ZSCAN1: variants seen among roughly 807,000 people sequenced by gnomAD.
The protein encoded by ZSCAN1 is zinc finger and SCAN domain-containing protein 1.
A neutral mutation model predicts 23.8 loss-of-function variants in ZSCAN1; 23 were observed. The observed-to-expected ratio is 0.97, with a 90% CI of 0.70 to 1.37. The LOEUF (loss-of-function observed/expected upper bound fraction) is 1.37. Ranked by LOEUF, ZSCAN1 falls within the 40% of genes most tolerant of loss-of-function variation. The pLI is 0.00. For synonymous variants in ZSCAN1, 236 were observed against 232.3 expected, an observed-to-expected ratio of 1.02 and a Z score of -0.15; for missense variants, 575 against 554.0, an observed-to-expected ratio of 1.04 and a Z score of -0.38.
intron 3 of ZSCAN1, among the ~76,000 whole-genome samples, chr19:58,039,160 G>A (rs1418632283): frequency 6.6e-6 from 1 of 152,236 alleles, no homozygotes; most frequent in Non-Finnish European, 1.5e-5. Context: ...AGCTGTGACA[G>A]CTGAGCTTTC....
chr19:58,039,982 C>T (rs1599901153), intron 3 of ZSCAN1, among the ~76,000 whole-genome samples: 1 of 152,256 alleles, frequency 6.6e-6, no homozygotes, highest in East Asian at 1.9e-4. Flanking sequence ...AGTCCTCCTG[C>T]CTCAGCCTCC....
chr19:58,038,332 C>G, intron 3 of ZSCAN1, 126 bp downstream of exon 3: 2 of 1,226,262 alleles, frequency 1.6e-6, no homozygotes, highest in Non-Finnish European at 2.2e-6. Context: ...CAGCAAACCT[C>G]TCCTGCCCCG....
At chr19:58,055,386 C>G (rs4801551), downstream of ZSCAN1, among the ~76,000 whole-genome samples, 87,001 of 151,974 alleles carry the variant, frequency 0.57, 25,430 homozygotes, top group Non-Finnish European at 0.62. Flanking sequence ...CCCCTAACCG[C>G]GCCTCCGGAC....
chr19:58,035,808 A>G (rs909256281), intron 1 of ZSCAN1, among the ~76,000 whole-genome samples, 162 bp from the exon 2 acceptor site: 1 of 152,220 alleles, frequency 6.6e-6, no homozygotes, highest in Non-Finnish European at 1.5e-5. Context: ...TTGTAAAACC[A>G]GATGCACGAG....
In ZSCAN1 at chr19:58,045,811, A is replaced by C; in HGVS notation, c.465+5267A>C. ...TCAGGAGATCCCCACATCGCTGCTC[A>C]TCCTGTCCCGGACCATGTAGCTCCC... On this transcript the variant is annotated intron_variant, in intron 4 of 5. Transcript: ENST00000282326. The surrounding 1 kb of genome is among the most constrained non-coding windows in gnomAD (Gnocchi z 4.3). 6.5e-7 allele frequency: 1 copy of C among 1,541,454 alleles called. No individual in the cohort carries two copies. Among genetic ancestry groups the C allele is most frequent in the Non-Finnish European group, 9.0e-7 (1 of 1,114,542 alleles).
At position 58,054,290 on chromosome 19, in the gene ZSCAN1, C is replaced by T; in HGVS notation, c.*239C>T. The T allele has an allele frequency of 2.1e-6, 1 of 481,592 alleles. No homozygotes were observed. Among genetic ancestry groups the T allele is most frequent in the Non-Finnish European group, 3.6e-6 (1 of 279,132 alleles). 29.8% of individuals were successfully genotyped at this position (481,592 alleles called of 1,614,324 possible). A position where few individuals can be genotyped will look rare whatever the true frequency, so the allele number is the denominator to read the frequency against. On this transcript the variant is annotated 3_prime_UTR_variant, in exon 6 of 6. Coordinates refer to ENST00000282326, the MANE Select transcript of ZSCAN1 (RefSeq NM_182572.4). This position sits in a 1 kb window ranked among gnomAD's most constrained non-coding sequence, Gnocchi z 4.2. ...GTTCCACAGCACAGCCTGGTCAGTC[C>T]TGCGCACTATAGTTTTGCAAGTGGC...
chr19:58,034,402 C>A (rs2073717811), intron 1 of ZSCAN1, among the ~76,000 whole-genome samples: 1 of 140,870 alleles, frequency 7.1e-6, no homozygotes, highest in African/African-American at 2.6e-5. Context: ...CCACGCGGGG[C>A]GGGGACTGGG....
At chr19:58,038,562 C>G (rs2073759693) in intron 3 of ZSCAN1, 2 of 534,566 alleles carry the variant, frequency 3.7e-6, no homozygotes, top group Non-Finnish European at 6.6e-6. Context: ...CTCAGGAATC[C>G]TAGAGATCCT....
At chr19:58,046,256 A>G in intron 4 of ZSCAN1, 1 of 777,830 alleles carries the variant, frequency 1.3e-6, no homozygotes, top group South Asian at 1.3e-5. Flanking sequence ...CTCACCAGGA[A>G]GAAGGAGGAG....
chr19:58,052,014 C>T (rs2073860914), intron 4 of ZSCAN1, among the ~76,000 whole-genome samples: 1 of 152,236 alleles, frequency 6.6e-6, no homozygotes, highest in Non-Finnish European at 1.5e-5. Context: ...TGTGAAGTCG[C>T]CCACTTCCTC....
rs1210538240 is a variant in ZSCAN1, at chr19:58,047,174, G to C, written c.466-5316G>C. 1.3e-5 allele frequency among the ~76,000 whole-genome samples: 2 copies of C among 152,238 alleles called. No individual in the cohort carries two copies. Among genetic ancestry groups the C allele is most frequent in the Non-Finnish European group, 2.9e-5 (2 of 68,050 alleles). On this transcript the variant is annotated intron_variant, in intron 4 of 5. Coordinates refer to ENST00000282326, the MANE Select transcript of ZSCAN1 (RefSeq NM_182572.4). This position sits in a 1 kb window ranked among gnomAD's most constrained non-coding sequence, Gnocchi z 4.9. ...CTACGCCCACCCTCAGAGGCGTCAGGAGACACAGCCTGGCCCCCTCAGGGC... is the reference window on the plus strand; with the variant it reads ...CTACGCCCACCCTCAGAGGCGTCAGCAGACACAGCCTGGCCCCCTCAGGGC...
intron 4 of ZSCAN1, among the ~76,000 whole-genome samples, chr19:58,041,589 TG>T (rs2073790092): frequency 6.6e-6 from 1 of 152,182 alleles, no homozygotes; most frequent in Admixed American, 6.5e-5. Flanking sequence ...AAAATACGGC[TG>T]GGTGTGGTGG....
chr19:58,040,959 C>G lies in ZSCAN1; in HGVS notation c.465+415C>G, dbSNP rs1568602749. On this transcript the variant is annotated intron_variant, in intron 4 of 5. Coordinates refer to ENST00000282326, the MANE Select transcript of ZSCAN1 (RefSeq NM_182572.4). The surrounding 1 kb of genome is among the most constrained non-coding windows in gnomAD (Gnocchi z 5.8). ...GAGGGCTCCCCTGCAGCTAGACCTGCTGTTGCGCAGGCCTCAAGGCGACGG... is the reference window on the plus strand; with the variant it reads ...GAGGGCTCCCCTGCAGCTAGACCTGGTGTTGCGCAGGCCTCAAGGCGACGG... Among the ~76,000 whole-genome samples the G allele has an allele frequency of 6.6e-6, 1 of 152,228 alleles. No homozygotes were observed. The highest frequency in any genetic ancestry group is 1.5e-5 in the Non-Finnish European group (1 of 68,044).
rs563315448 is a variant in ZSCAN1 at position 58,048,316 on chromosome 19, T to TA, written c.466-4172dup. The stretch of plus-strand genomic sequence containing the variant: ...TGCAAGTGTTTCAAGCTGTGTTTCT[T>TA]AATTAGTATACTAACTGCCCTGGGG... On this transcript the variant is annotated intron_variant, in intron 4 of 5. Coordinates refer to ENST00000282326, the MANE Select transcript of ZSCAN1 (RefSeq NM_182572.4). Among the ~76,000 whole-genome samples, 603 of 152,364 alleles carry TA rather than the reference T, an allele frequency of 4.0e-3. 4 individuals are homozygous for TA. The highest frequency in any genetic ancestry group is 0.013 in the African/African-American group (520 of 41,590).
chr19:58,037,715 C>T lies in ZSCAN1; in HGVS notation c.-109-13C>T, dbSNP rs1255071989. 1.3e-5 allele frequency: 16 copies of T among 1,260,194 alleles called. No homozygotes were observed. The highest frequency in any genetic ancestry group is 1.5e-5 in the Non-Finnish European group (14 of 943,678). The allele number at this position is 1,260,194 out of a possible 1,614,324, so 78.1% of individuals were successfully genotyped here. On this transcript the variant is annotated splice_polypyrimidine_tract_variant and intron_variant, in intron 2 of 5. Coordinates refer to ENST00000282326, the MANE Select transcript of ZSCAN1 (RefSeq NM_182572.4). The stretch of plus-strand genomic sequence containing the variant: ...ATCTGATGTGACCCCTCTGTCCCTG[C>T]CCCTCTCTGCAGGCCCCTGATTGCT...
chr19:58,053,621 A>G lies in ZSCAN1; in HGVS notation c.797A>G (p.Lys266Arg). The change falls in exon 6 of 6, where the codon AAG becomes AGG. Residue 266 changes from lysine (K) to arginine (R), a missense_variant. By Grantham distance (26) the Lys-to-Arg change is conservative (BLOSUM62 2). Coordinates refer to ENST00000282326, the MANE Select transcript of ZSCAN1 (RefSeq NM_182572.4). This position sits in a 1 kb window ranked among gnomAD's most constrained non-coding sequence, Gnocchi z 5.8. ...AGCGGCCGCCACCAGCCATCCCTCAAGCACACCAAAGGTGGTACCCAAGAG... is the reference window on the plus strand; with the variant it reads ...AGCGGCCGCCACCAGCCATCCCTCAGGCACACCAAAGGTGGTACCCAAGAG... ...DQSGRHQPSL[K>R]HTKGGTQEAV... 1.2e-6 allele frequency: 2 copies of G among 1,614,114 alleles called. No homozygotes were observed. The highest frequency in any genetic ancestry group is 8.5e-7 in the Non-Finnish European group (1 of 1,180,022).
At position 58,047,847 on chromosome 19, in the gene ZSCAN1, G is replaced by C. The variant is rs2073836042; in HGVS notation, c.466-4643G>C. Among the ~76,000 whole-genome samples the C allele has an allele frequency of 6.6e-6, 1 of 152,206 alleles. No individual in the cohort carries two copies. The highest frequency in any genetic ancestry group is 1.5e-5 in the Non-Finnish European group (1 of 68,038). ...GGTTTACCCTGTGCCCTCTGGGTGG[G>C]GTGGCCTCCCTGCACTCGGCAGCAT... is the stretch of plus-strand genomic sequence containing the variant. On this transcript the variant is annotated intron_variant, in intron 4 of 5. Transcript: ENST00000282326. The surrounding 1 kb of genome is among the most constrained non-coding windows in gnomAD (Gnocchi z 4.9).
intron 4 of ZSCAN1, chr19:58,044,603 A>C (rs1592993): frequency 0.91 from 931,214 of 1,021,458 alleles, 429,356 homozygotes; most frequent in African/African-American, 0.95. Context: ...GTCCATCTTA[A>C]TGAGGAGCTG....
chr19:58,043,967 T>TA (rs995799902), intron 4 of ZSCAN1, among the ~76,000 whole-genome samples: 20 of 149,900 alleles, frequency 1.3e-4, no homozygotes, highest in African/African-American at 4.9e-4. Flanking sequence ...GTGCCTGGCG[T>TA]AAAAAACTTT....
Sources: allele counts gnomAD v4.1 joint callset (sites outside exome capture counted in the v4.1 genomes callset), GRCh38; gene constraint gnomAD v4.1.1; non-coding constraint Gnocchi (gnomAD v3.1); transcripts MANE v1.5; gene names NCBI Gene and HGNC (gene_info 2026-07-23, HGNC 2026-07-21).